Variants in ZNF616 observed in about 807,000 individuals in gnomAD.
ZNF616 encodes the protein zinc finger protein 616.
ZNF616 carries 5 observed loss-of-function variants against 7.6 expected under a neutral mutation model. The observed-to-expected ratio is 0.66, with a 90% CI of 0.34 to 1.38. ZNF616 has a LOEUF of 1.38. Among genes scored for constraint, ZNF616 ranks in the 40% most tolerant of loss-of-function variants. The pLI, the probability that ZNF616 is intolerant of heterozygous loss-of-function variation, is 0.04. For synonymous variants in ZNF616, 319 were observed against 317.2 expected (o/e 1.01, Z -0.06); for missense variants, 913 against 948.3 (o/e 0.96, Z 0.49).
intron 3 of ZNF616, among the ~76,000 whole-genome samples, chr19:52,118,490 G>A (rs2088843340): frequency 6.6e-6 from 1 of 152,186 alleles, no homozygotes; most frequent in Non-Finnish European, 1.5e-5. Context: ...TGGTCTTTGG[G>A]AGGCAATTCG....
intron 1 of ZNF616, 55 bp from the exon 2 acceptor site, chr19:52,130,643 T>C (rs528208409): frequency 5.0e-5 from 68 of 1,371,144 alleles, no homozygotes; most frequent in Admixed American, 6.4e-5. Context: ...TTCCTTTCTG[T>C]GTCACAACCA....
chr19:52,130,349 G>A (rs1377648933), intron 2 of ZNF616, 152 bp downstream of exon 2: 2 of 879,362 alleles, frequency 2.3e-6, no homozygotes, highest in African/African-American at 3.3e-5. Context: ...GAGGAACTGA[G>A]GAAAAGCATG....
intron 2 of ZNF616, among the ~76,000 whole-genome samples, chr19:52,129,702 T>G (rs2088940823): frequency 6.6e-6 from 1 of 152,186 alleles, no homozygotes; most frequent in Non-Finnish European, 1.5e-5. Context: ...TTAAGGCAGT[T>G]AGAAATAGTG....
intron 2 of ZNF616, 47 bp from the exon 3 acceptor site, chr19:52,124,096 C>T (rs8100114): frequency 0.14 from 217,214 of 1,560,360 alleles, 28,557 homozygotes; most frequent in African/African-American, 0.65. Flanking sequence ...GAGAGCTCTT[C>T]TGTTTACACA....
intron 1 of ZNF616, among the ~76,000 whole-genome samples, chr19:52,137,254 T>TA (rs56806287): frequency 0.015 from 2,153 of 146,474 alleles, 49 homozygotes; most frequent in African/African-American, 0.05. Flanking sequence ...CCGTCTGTAC[T>TA]AAAAAAAAAA....
rs138503818 is a variant in ZNF616, at chr19:52,132,647, C to T, written c.-76-2059G>A. Among the ~76,000 whole-genome samples, 32 of 152,296 alleles carry T rather than the reference C, an allele frequency of 2.1e-4. 1 individual carries two copies. The South Asian group carries it at 2.3e-3, about 11-fold the overall frequency. On this transcript the variant is annotated intron_variant, in intron 1 of 3. Transcript: ENST00000600228. ...CTCTCTCTTGCTCCTGCTCCCGCCA[C>T]GTGAGACGCCTGTTCCTACTTCGCC...
At chr19:52,123,459 G>A (rs11084145) in intron 3 of ZNF616, among the ~76,000 whole-genome samples, 14,446 of 151,868 alleles carry the variant, frequency 0.095, 954 homozygotes, top group South Asian at 0.27. Flanking sequence ...AGAGCAGCCT[G>A]AGTGACATAG....
chr19:52,130,055 G>A (rs1028818008), intron 2 of ZNF616, among the ~76,000 whole-genome samples: 5 of 152,206 alleles, frequency 3.3e-5, no homozygotes, highest in Non-Finnish European at 7.3e-5. Context: ...TTACAGGCAT[G>A]AGACACGGCG....
intron 1 of ZNF616, among the ~76,000 whole-genome samples, chr19:52,136,374 C>T (rs901637376): frequency 2.0e-5 from 3 of 151,564 alleles, no homozygotes. Flanking sequence ...TCAGGTGCTT[C>T]GGAGGATGAG....
chr19:52,128,698 C>T (rs981430180), intron 2 of ZNF616, among the ~76,000 whole-genome samples: 1 of 150,178 alleles, frequency 6.7e-6, no homozygotes, highest in African/African-American at 2.5e-5. Context: ...GCCAAGATTG[C>T]GCCATTGCAC....
chr19:52,121,951 G>T (rs77273361), intron 3 of ZNF616, among the ~76,000 whole-genome samples: 1 of 151,848 alleles, frequency 6.6e-6, no homozygotes, highest in Non-Finnish European at 1.5e-5. Context: ...AAAATATATA[G>T]GTTTTATAAA....
At chr19:52,126,533 G>A (rs187176872) in intron 2 of ZNF616, among the ~76,000 whole-genome samples, 6 of 150,116 alleles carry the variant, frequency 4.0e-5, no homozygotes, top group Admixed American at 1.3e-4. Context: ...AAGAAAATGC[G>A]AAGGTAGGCA....
At chr19:52,136,245 C>T (rs1490170840) in intron 1 of ZNF616, among the ~76,000 whole-genome samples, 1 of 151,922 alleles carries the variant, frequency 6.6e-6, no homozygotes. Context: ...CTTTGGGAAG[C>T]CGAGGCGGGC....
At position 52,115,418 on chromosome 19, in the gene ZNF616, G is replaced by T. The variant is rs58300880; in HGVS notation, c.1746C>A (p.Cys582Ter). 1 of 1,613,566 alleles carries T rather than the reference G, an allele frequency of 6.2e-7. No homozygotes were observed. Among genetic ancestry groups the T allele is most frequent in the Admixed American group, 1.7e-5 (1 of 59,932 alleles). Residue 582 changes from cysteine (C) to a stop codon, truncating the protein, a stop_gained, in exon 4 of 4, where the codon TGC (cysteine) becomes TGA (stop). Transcript: ENST00000600228. LOFTEE classifies it low-confidence loss of function (END_TRUNC). The part of the protein sequence containing the change: ...SGEKPYKCNE[C>*]GKVYSQYSHL... ...GTGAATACTGACTGTAGACCTTGCCGCATTCATTGCATTTGTAAGGTTTCT... is the reference window on the plus strand; with the variant it reads ...GTGAATACTGACTGTAGACCTTGCCTCATTCATTGCATTTGTAAGGTTTCT...
intron 2 of ZNF616, among the ~76,000 whole-genome samples, chr19:52,129,330 G>A (rs1004706953): frequency 1.3e-5 from 2 of 151,980 alleles, no homozygotes; most frequent in African/African-American, 4.8e-5. Flanking sequence ...TCCTCGTGTT[G>A]TATTAACTTC....
At chr19:52,121,699 C>T (rs1033491939) in intron 3 of ZNF616, among the ~76,000 whole-genome samples, 5 of 152,022 alleles carry the variant, frequency 3.3e-5, no homozygotes, top group African/African-American at 1.2e-4. Flanking sequence ...TCAACAAAAA[C>T]AATTGAGATA....
intron 3 of ZNF616, among the ~76,000 whole-genome samples, chr19:52,120,801 T>A (rs979309580): frequency 6.6e-6 from 1 of 152,088 alleles, no homozygotes; most frequent in Non-Finnish European, 1.5e-5. Flanking sequence ...ATATTAGAGA[T>A]CCTTAATATA....
chr19:52,115,194 C>T lies in ZNF616; in HGVS notation c.1970G>A (p.Gly657Glu). The T allele has an allele frequency of 6.2e-7, 1 of 1,614,174 alleles. No homozygotes were observed. Among genetic ancestry groups the T allele is most frequent in the Non-Finnish European group, 8.5e-7 (1 of 1,180,028 alleles). The change falls in exon 4 of 4, where the codon GGA becomes GAA. Residue 657 changes from glycine (G) to glutamate (E), a missense_variant. Physicochemically the swap from Gly to Glu is moderately conservative, Grantham distance 98. Transcript: ENST00000600228. The part of the protein sequence containing the change: ...HLRLHQTVHT[G>E]DRPYKCNECG... ...CTCATTACATTTGTAAGGTCTGTCT[C>T]CAGTATGAACAGTCTGATGAAGTCT...
chr19:52,135,026 C>T (rs892433113), intron 1 of ZNF616, among the ~76,000 whole-genome samples: 3 of 152,152 alleles, frequency 2.0e-5, no homozygotes, highest in African/African-American at 7.2e-5. Flanking sequence ...GTTGTGATAT[C>T]ATATTCTCTG....
Sources: gnomAD v4.1 joint callset for allele counts (sites outside exome capture counted in the v4.1 genomes callset) on GRCh38, gnomAD v4.1.1 for gene constraint, MANE v1.5 for transcripts, NCBI Gene and HGNC (gene_info 2026-07-23, HGNC 2026-07-21) for gene names.